Variants in CNTNAP2 observed in about 807,000 individuals in gnomAD.
CNTNAP2 encodes the protein contactin-associated protein-like 2.
In CNTNAP2, 98 loss-of-function variants were observed where a neutral mutation model predicts 155.2. The observed-to-expected ratio is 0.63, with a 90% confidence interval of 0.54 to 0.75. The LOEUF is 0.75. Among genes scored for constraint, CNTNAP2 ranks in the 30% least tolerant of loss-of-function variants. CNTNAP2 has a pLI of 0.00. For synonymous variants in CNTNAP2, 651 were observed against 631.2 expected, an observed-to-expected ratio of 1.03 and a Z score of -0.47; for missense variants, 1,727 against 1,688.1, an observed-to-expected ratio of 1.02 and a Z score of -0.40.
intron 15 of CNTNAP2, among the ~76,000 whole-genome samples, chr7:148,080,161 A>G (rs1803566747): frequency 1.3e-5 from 2 of 152,222 alleles, no homozygotes. Flanking sequence ...CTGTCTTACA[A>G]TGAGCATATA....
At chr7:148,106,493 G>GAGAGAGATATATAT (rs1554472856) in intron 15 of CNTNAP2, among the ~76,000 whole-genome samples, 1 of 124,926 alleles carries the variant, frequency 8.0e-6, no homozygotes, top group African/African-American at 3.5e-5. Flanking sequence ...CACACTTTGA[G>GAGAGAGATATATAT]ATATATATAT....
chr7:147,876,410 G>T (rs1214638447), intron 13 of CNTNAP2, among the ~76,000 whole-genome samples: 1 of 152,150 alleles, frequency 6.6e-6, no homozygotes, highest in African/African-American at 2.4e-5. Flanking sequence ...CCAAAATAAT[G>T]TTTATTTGCA....
At chr7:148,406,028 C>T (rs958810725) in intron 22 of CNTNAP2, among the ~76,000 whole-genome samples, 2 of 151,804 alleles carry the variant, frequency 1.3e-5, no homozygotes, top group African/African-American at 4.8e-5. Flanking sequence ...GTCAGGAGAT[C>T]GAGACCATCT....
At chr7:147,901,142 AC>A (rs1262872476) in intron 13 of CNTNAP2, among the ~76,000 whole-genome samples, 1 of 151,972 alleles carries the variant, frequency 6.6e-6, no homozygotes. Context: ...TAACTCCTGA[AC>A]CTTTTTTGTG....
intron 9 of CNTNAP2, among the ~76,000 whole-genome samples, chr7:147,313,972 C>A (rs1795176855): frequency 6.6e-6 from 1 of 151,774 alleles, no homozygotes; most frequent in Admixed American, 6.6e-5. Flanking sequence ...TTGAAGAGGT[C>A]CTTCACGTCC....
intron 13 of CNTNAP2, among the ~76,000 whole-genome samples, chr7:147,841,327 A>G (rs1798727187): frequency 6.6e-6 from 1 of 152,126 alleles, no homozygotes. Flanking sequence ...CTATCACAGC[A>G]TTTGCCAGAT....
intron 13 of CNTNAP2, among the ~76,000 whole-genome samples, chr7:147,684,920 A>G (rs1259696377): frequency 6.6e-6 from 1 of 151,998 alleles, no homozygotes. Flanking sequence ...ATTTGATGTT[A>G]ATTCACCTTG....
chr7:147,912,112 A>G (rs559542222), intron 14 of CNTNAP2, among the ~76,000 whole-genome samples: 80 of 152,208 alleles, frequency 5.3e-4, no homozygotes, highest in Non-Finnish European at 8.7e-4. Context: ...CAAGTTATAA[A>G]AGCTGTCAAT....
chr7:146,226,874 G>A (rs1799300506), intron 1 of CNTNAP2, among the ~76,000 whole-genome samples: 1 of 151,898 alleles, frequency 6.6e-6, no homozygotes, highest in South Asian at 2.1e-4. Context: ...TTTTTATTTT[G>A]TATTTCATTT....
chr7:146,875,948 AAAAAAAAAAAAAAC>A (rs1562983040), intron 3 of CNTNAP2, among the ~76,000 whole-genome samples: 5 of 140,390 alleles, frequency 3.6e-5, no homozygotes, highest in African/African-American at 1.4e-4. Context: ...AAAAAAAAAA[AAAAAAAAAAAAAAC>A]AAAAAACAAA....
chr7:147,073,312 TAAAA>T (rs34336943), intron 4 of CNTNAP2, among the ~76,000 whole-genome samples: 8 of 140,374 alleles, frequency 5.7e-5, no homozygotes, highest in African/African-American at 2.1e-4. Context: ...TGCAGGAATG[TAAAA>T]AAAAAAAAAA....
At chr7:148,101,928 T>C (rs1262390297) in intron 15 of CNTNAP2, among the ~76,000 whole-genome samples, 1 of 152,192 alleles carries the variant, frequency 6.6e-6, no homozygotes, top group Non-Finnish European at 1.5e-5. Context: ...GTCTTCCCCA[T>C]TGCTATCAAT....
intron 3 of CNTNAP2, among the ~76,000 whole-genome samples, chr7:147,026,725 C>T (rs1451300316): frequency 5.9e-5 from 9 of 151,516 alleles, no homozygotes; most frequent in Non-Finnish European, 1.0e-4. Context: ...GACTTGATTA[C>T]CACTGTTTTA....
chr7:146,742,959 T>A (rs116651769), intron 1 of CNTNAP2, among the ~76,000 whole-genome samples: 2,707 of 152,172 alleles, frequency 0.018, 77 homozygotes, highest in African/African-American at 0.061. Flanking sequence ...TTCATTTTTT[T>A]AAAAAAAGTA....
intron 15 of CNTNAP2, among the ~76,000 whole-genome samples, chr7:147,994,757 T>C (rs1480991695): frequency 5.3e-5 from 8 of 152,200 alleles, no homozygotes. Flanking sequence ...GTCTTGGGTA[T>C]GTCTTTATCA....
intron 12 of CNTNAP2, among the ~76,000 whole-genome samples, chr7:147,632,542 T>A (rs1441660436): frequency 6.6e-6 from 1 of 152,224 alleles, no homozygotes; most frequent in Non-Finnish European, 1.5e-5. Flanking sequence ...TTAAGTTTCC[T>A]GATGCCTCCT....
intron 11 of CNTNAP2, among the ~76,000 whole-genome samples, chr7:147,537,551 C>T (rs1197145465): frequency 6.6e-6 from 1 of 151,422 alleles, no homozygotes; most frequent in Non-Finnish European, 1.5e-5. Flanking sequence ...AAGGCCATCT[C>T]TGTCATTTTT....
intron 3 of CNTNAP2, among the ~76,000 whole-genome samples, chr7:146,882,727 G>A (rs1186769941): frequency 6.6e-6 from 1 of 152,098 alleles, no homozygotes; most frequent in Non-Finnish European, 1.5e-5. Flanking sequence ...TGAATGGTAG[G>A]TCAGCTCCTA....
At chr7:146,645,542 A>T (rs2129162430) in intron 1 of CNTNAP2, among the ~76,000 whole-genome samples, 1 of 152,178 alleles carries the variant, frequency 6.6e-6, no homozygotes, top group South Asian at 2.1e-4. Flanking sequence ...AACAACAAAA[A>T]CTTTTTGAGG....
Sources: gnomAD v4.1 joint callset for allele counts (sites outside exome capture counted in the v4.1 genomes callset) on GRCh38, gnomAD v4.1.1 for gene constraint, MANE v1.5 for transcripts, NCBI Gene and HGNC (gene_info 2026-07-23, HGNC 2026-07-21) for gene names.